PRKD3: variants seen among roughly 807,000 people sequenced by gnomAD.
PRKD3 encodes protein kinase D3.
A neutral mutation model predicts 99.2 loss-of-function variants in PRKD3; 47 were observed. That is an observed-to-expected ratio of 0.47 (90% CI 0.38 to 0.60). The LOEUF (loss-of-function observed/expected upper bound fraction) is 0.60, where lower values mean the gene tolerates loss of function less well. Ranked by LOEUF, PRKD3 falls within the 20% of genes least tolerant of loss-of-function variation. The pLI, the probability that PRKD3 is intolerant of heterozygous loss-of-function variation, is 0.00. For missense variants in PRKD3, 1,019 were observed against 1,088.4 expected (o/e 0.94, Z 0.90); for synonymous variants, 392 against 355.4 (o/e 1.10, Z -1.16).
intron 2 of PRKD3, among the ~76,000 whole-genome samples, chr2:37,299,323 G>T (rs566507907): frequency 6.6e-6 from 1 of 152,086 alleles, no homozygotes; most frequent in Admixed American, 6.6e-5. Context: ...GACTCCTTGA[G>T]TAAGACCTGA....
intron 8 of PRKD3, chr2:37,278,585 G>A (rs1203048311): frequency 1.3e-5 from 2 of 152,246 alleles, no homozygotes; most frequent in African/African-American, 4.8e-5. Context: ...GTTTTGAAAT[G>A]TGAACCTCAA....
At position 37,260,379 on chromosome 2, in the gene PRKD3, CA is replaced by C; in HGVS notation, c.1889del (p.Leu630CysfsTer7). 1 of 1,610,282 alleles carries C rather than the reference CA, an allele frequency of 6.2e-7. No individual in the cohort carries two copies. The highest frequency in any genetic ancestry group is 8.5e-7 in the Non-Finnish European group (1 of 1,176,778). ...CCAGGTTTACAATCCCAGGATGGTGCAAATTCTGAAGAGAGGTTGCAAGATA... is the reference window on the plus strand; with the variant it reads ...CCAGGTTTACAATCCCAGGATGGTGCAATTCTGAAGAGAGGTTGCAAGATA... ...LRNEVAILQN[L>X]HHPGIVNLEC... is the part of the protein sequence containing the mutation. On this transcript the variant is annotated frameshift_variant, in exon 15 of 19. Coordinates refer to ENST00000234179, the MANE Select transcript of PRKD3 (RefSeq NM_005813.6). LOFTEE classifies it high-confidence loss of function.
chr2:37,287,694 C>A (rs1417469464), intron 5 of PRKD3, among the ~76,000 whole-genome samples: 1 of 152,106 alleles, frequency 6.6e-6, no homozygotes, highest in Non-Finnish European at 1.5e-5. Flanking sequence ...GCCTGGCATA[C>A]AATAATCGGT....
chr2:37,268,676 T>C (rs546167120), intron 13 of PRKD3: 25 of 197,222 alleles, frequency 1.3e-4, no homozygotes, highest in Middle Eastern at 4.3e-3. Context: ...CCCTGAAGTA[T>C]GAAAAAATGT....
intron 12 of PRKD3, among the ~76,000 whole-genome samples, chr2:37,270,001 G>T (rs936249623): frequency 1.3e-5 from 2 of 152,196 alleles, no homozygotes; most frequent in Admixed American, 1.3e-4. Flanking sequence ...GCTGAGGCAG[G>T]TGGATCACCT....
chr2:37,262,895 T>TCCCC (rs68028740), intron 14 of PRKD3, among the ~76,000 whole-genome samples: 3 of 144,378 alleles, frequency 2.1e-5, no homozygotes, highest in Non-Finnish European at 4.5e-5. Context: ...TAAGATTCCT[T>TCCCC]CCCCCCCCCG....
Position 37,279,759 on chromosome 2 carries a change from C to T in PRKD3, c.1159G>A (p.Val387Ile), listed in dbSNP as rs770559494. 4.3e-6 allele frequency: 7 copies of T among 1,612,226 alleles called. No individual in the cohort carries two copies. The highest frequency in any genetic ancestry group is 4.5e-5 in the East Asian group (2 of 44,818). ...TATATATATTACCTGATTGTTTTAA[C>T]GGCTTCTTCATCTCTTTCCACATCG... ...DLDVERDEEA[V>I]KTISPSTSNN... Residue 387 changes from valine to isoleucine, a missense_variant, in exon 8 of 19, where the codon GTT becomes ATT. Transcript: ENST00000234179.
intron 2 of PRKD3, among the ~76,000 whole-genome samples, chr2:37,304,331 C>T (rs1050214887): frequency 6.6e-6 from 1 of 152,042 alleles, no homozygotes; most frequent in Non-Finnish European, 1.5e-5. Context: ...CTCAATGATT[C>T]TGTTTCTAAA....
intron 2 of PRKD3, among the ~76,000 whole-genome samples, chr2:37,300,470 G>T (rs932530050): frequency 6.6e-6 from 1 of 152,156 alleles, no homozygotes; most frequent in Admixed American, 6.5e-5. Flanking sequence ...AGCATGATAG[G>T]TAGACTACAG....
rs749544379 is a variant in PRKD3, at chr2:37,279,923, G to A, written c.995C>T (p.Ser332Phe). The change falls in exon 8 of 19, where the codon TCC (serine) becomes TTC (phenylalanine). Residue 332 changes from serine to phenylalanine, a missense_variant. Physicochemically the swap from Ser to Phe is radical, Grantham distance 155. Coordinates refer to ENST00000234179, the MANE Select transcript of PRKD3 (RefSeq NM_005813.6). Reference protein sequence around the residue: ...LGEVTFNGEPSSLGTDTDIPM... With the variant: ...LGEVTFNGEPFSLGTDTDIPM... ...TATATCTGTATCTGTTCCCAGACTG[G>A]AAGGTTCTGGGAAAATTTTAAATGA... 1 of 1,596,346 alleles carries A rather than the reference G, an allele frequency of 6.3e-7. No individual in the cohort carries two copies.
At chr2:37,310,270 C>G (rs1671364343) in intron 2 of PRKD3, among the ~76,000 whole-genome samples, 1 of 152,270 alleles carries the variant, frequency 6.6e-6, no homozygotes, top group Middle Eastern at 3.4e-3. Flanking sequence ...TTGGAAACCA[C>G]TAAGATCAGA....
In PRKD3 at chr2:37,286,300, T is replaced by G; in HGVS notation, c.787A>C (p.Met263Leu). The change falls in exon 6 of 19, where the codon ATG (methionine) becomes CTG (leucine). Residue 263 changes from methionine to leucine, a missense_variant. Around this residue, in one of 3 missense-constraint regions of PRKD3, gnomAD observed 710 missense variants for 692.7 expected, o/e 1.02. Coordinates refer to ENST00000234179, the MANE Select transcript of PRKD3 (RefSeq NM_005813.6). ...GGAACTTTCACTCTGCACATTACCATCTTTTCCATCCAGATTGGGCGACCA... is the reference window on the plus strand; with the variant it reads ...GGAACTTTCACTCTGCACATTACCAGCTTTTCCATCCAGATTGGGCGACCA... ...WSGRPIWMEKMVMCRVKVPHT... is the reference protein window; with the variant it reads ...WSGRPIWMEKLVMCRVKVPHT... 1.2e-6 allele frequency: 2 copies of G among 1,614,116 alleles called. No individual in the cohort carries two copies. Among genetic ancestry groups the G allele is most frequent in the South Asian group, 2.2e-5 (2 of 91,080 alleles).
intron 13 of PRKD3, chr2:37,267,988 GTC>G (rs1451563089): frequency 5.4e-6 from 1 of 185,524 alleles, no homozygotes; most frequent in African/African-American, 2.4e-5. Flanking sequence ...ATTTATATTT[GTC>G]TCTATATTCT....
intron 2 of PRKD3, among the ~76,000 whole-genome samples, chr2:37,307,203 C>G (rs1218999712): frequency 6.6e-6 from 1 of 152,202 alleles, no homozygotes. Context: ...AACAATTTAA[C>G]TTGATCTTAT....
intron 6 of PRKD3, 97 bp downstream of exon 6, chr2:37,286,080 T>G: frequency 9.5e-7 from 1 of 1,051,014 alleles, no homozygotes; most frequent in Non-Finnish European, 1.3e-6. Flanking sequence ...TGAGAATAAT[T>G]TCTTTGGCTA....
intron 9 of PRKD3, among the ~76,000 whole-genome samples, chr2:37,277,382 G>C (rs1669629424): frequency 6.6e-6 from 1 of 152,112 alleles, no homozygotes; most frequent in Non-Finnish European, 1.5e-5. Context: ...TGTGTTCTTA[G>C]TTATTACACT....
Position 37,291,744 on chromosome 2 carries a change from G to A in PRKD3, c.428-745C>T, listed in dbSNP as rs557417480. On this transcript the variant is annotated intron_variant, in intron 3 of 18. Coordinates refer to ENST00000234179, the MANE Select transcript of PRKD3 (RefSeq NM_005813.6). ...AGAAATATAAGATGAGAGGAGTGGGGACTAATAAGGACAGAGAGGATCTCA... is the reference window on the plus strand; with the variant it reads ...AGAAATATAAGATGAGAGGAGTGGGAACTAATAAGGACAGAGAGGATCTCA... Among the ~76,000 whole-genome samples the A allele has an allele frequency of 5.1e-4, 77 of 152,244 alleles. 1 individual carries two copies. In the Middle Eastern group the frequency reaches 0.014, roughly 27 times the overall value.
intron 7 of PRKD3, among the ~76,000 whole-genome samples, chr2:37,280,733 AG>A (rs1389213930): frequency 1.3e-5 from 2 of 152,204 alleles, no homozygotes; most frequent in Non-Finnish European, 2.9e-5. Flanking sequence ...CAAAAAGATA[AG>A]TGACAACATA....
chr2:37,310,007 C>T (rs1671353648), intron 2 of PRKD3, among the ~76,000 whole-genome samples: 1 of 151,908 alleles, frequency 6.6e-6, no homozygotes, highest in Non-Finnish European at 1.5e-5. Context: ...TTTTCTGTAC[C>T]AATAAAAGGA....
Sources: allele counts gnomAD v4.1 joint callset (sites outside exome capture counted in the v4.1 genomes callset), GRCh38; gene constraint gnomAD v4.1.1; regional missense constraint gnomAD v4.1.1; transcripts MANE v1.5; gene names NCBI Gene and HGNC (gene_info 2026-07-23, HGNC 2026-07-21).